Variants in ARHGAP30 observed in about 807,000 individuals in gnomAD.
ARHGAP30 encodes the protein Rho GTPase activating protein 30.
ARHGAP30 carries 23 observed loss-of-function variants against 72.0 expected under a neutral mutation model. That is an observed-to-expected ratio of 0.32 (90% CI 0.23 to 0.45). The LOEUF (loss-of-function observed/expected upper bound fraction) is 0.45, where lower values mean the gene tolerates loss of function less well. Ranked by LOEUF, ARHGAP30 falls within the 20% of genes least tolerant of loss-of-function variation. The probability of loss-of-function intolerance (pLI) is 1.00; values close to 1 mark genes in which losing one functional copy is unlikely to be tolerated. For synonymous variants in ARHGAP30, 576 were observed against 528.2 expected, an observed-to-expected ratio of 1.09 and a Z score of -1.24; for missense variants, 1,319 against 1,383.4, an observed-to-expected ratio of 0.95 and a Z score of 0.74.
At chr1:161,064,856 AAGG>A (rs199606902) in intron 1 of ARHGAP30, among the ~76,000 whole-genome samples, 2 of 93,852 alleles carry the variant, frequency 2.1e-5, no homozygotes, top group East Asian at 5.8e-4. Flanking sequence ...AAAGGAAAGG[AAGG>A]AGAGGAAGGA....
intron 3 of ARHGAP30, among the ~76,000 whole-genome samples, chr1:161,055,827 TAA>T (rs1247018260): frequency 1.0e-3 from 37 of 36,040 alleles, no homozygotes; most frequent in African/African-American, 3.0e-3. Context: ...TAAAATAAAA[TAA>T]AATAAAATAA....
intron 2 of ARHGAP30, among the ~76,000 whole-genome samples, chr1:161,057,696 G>T (rs146020605): frequency 1.3e-5 from 2 of 152,138 alleles, no homozygotes; most frequent in Admixed American, 1.3e-4. Flanking sequence ...TGAAATATCA[G>T]TTTACATTTA....
In ARHGAP30 at chr1:161,069,444, T is replaced by G; in HGVS notation, c.97+84A>C. 3 of 1,416,140 alleles carry G rather than the reference T, an allele frequency of 2.1e-6. No individual in the cohort carries two copies. Among genetic ancestry groups the G allele is most frequent in the Non-Finnish European group, 2.0e-6 (2 of 1,018,164 alleles). The allele number at this position is 1,416,140 out of a possible 1,614,324, so 87.7% of individuals were successfully genotyped here. On this transcript the variant is annotated intron_variant, in intron 1 of 11. Coordinates refer to ENST00000368013, the MANE Select transcript of ARHGAP30 (RefSeq NM_001025598.2). The surrounding 1 kb of genome is among the most constrained non-coding windows in gnomAD (Gnocchi z 4.9). ...CCCCTTCCCCAGGAGCACCGGAAACTGCTTCTGCCCTTCAGGCTGGATCGG... is the reference window on the plus strand; with the variant it reads ...CCCCTTCCCCAGGAGCACCGGAAACGGCTTCTGCCCTTCAGGCTGGATCGG...
In ARHGAP30 at chr1:161,069,072, C is replaced by T. The variant is rs1012796702; in HGVS notation, c.97+456G>A. Among the ~76,000 whole-genome samples the T allele has an allele frequency of 5.9e-5, 9 of 152,236 alleles. No individual in the cohort carries two copies. Among genetic ancestry groups the T allele is most frequent in the African/African-American group, 2.2e-4 (9 of 41,524 alleles). On this transcript the variant is annotated intron_variant, in intron 1 of 11. Coordinates refer to ENST00000368013, the MANE Select transcript of ARHGAP30 (RefSeq NM_001025598.2). The surrounding 1 kb of genome is among the most constrained non-coding windows in gnomAD (Gnocchi z 4.9). ...CCTTGGGTGTTCTCCAGCCAGGAAA[C>T]CACCCGCCTCAAGGGCCATCTTGAG...
chr1:161,053,462 TTCTCTCTCTCTCTCTC>T lies in ARHGAP30; in HGVS notation c.537-93_537-78del, dbSNP rs57196073. On this transcript the variant is annotated intron_variant, in intron 5 of 11. Transcript: ENST00000368013. ...CCAGATTCTCCCTGAAAATACCTTA[TTCTCTCTCTCTCTCTC>T]TCTCTCTCTCTCTCTCTCTCTCTCT... 2.0e-3 allele frequency: 1,420 copies of T among 692,956 alleles called. 14 individuals are homozygous for T. In the African/African-American group the frequency reaches 0.023, roughly 11 times the overall value. The allele number at this position is 692,956 out of a possible 1,614,324, so 42.9% of individuals were successfully genotyped here. A position where few individuals can be genotyped will look rare whatever the true frequency, so the allele number is the denominator to read the frequency against.
intron 1 of ARHGAP30, among the ~76,000 whole-genome samples, chr1:161,068,067 A>C (rs16832617): frequency 0.26 from 39,456 of 152,008 alleles, 7,348 homozygotes; most frequent in African/African-American, 0.52. Context: ...CGGGAGGGTT[A>C]TAGGAGCAGG....
intron 6 of ARHGAP30, 57 bp from the exon 7 acceptor site, chr1:161,052,854 G>GCACC (rs754219522): frequency 2.5e-6 from 4 of 1,576,164 alleles, no homozygotes; most frequent in East Asian, 2.2e-5. Flanking sequence ...GGGACCTCAG[G>GCACC]CACCCAATCC....
At chr1:161,051,193 A>G in intron 10 of ARHGAP30, 121 bp downstream of exon 10, 1 of 1,457,720 alleles carries the variant, frequency 6.9e-7, no homozygotes, top group Non-Finnish European at 9.0e-7. Flanking sequence ...GCTAAAGGTA[A>G]CCACCCCAAA....
At position 161,047,608 on chromosome 1, in the gene ARHGAP30, A is replaced by C. The variant is rs1384501462; in HGVS notation, c.*107T>G. The C allele has an allele frequency of 5.6e-6, 7 of 1,256,832 alleles. No homozygotes were observed. The highest frequency in any genetic ancestry group is 7.5e-6 in the Non-Finnish European group (7 of 934,176). The allele number at this position is 1,256,832 out of a possible 1,614,324, so 77.9% of individuals were successfully genotyped here. On this transcript the variant is annotated 3_prime_UTR_variant, in exon 12 of 12. Coordinates refer to ENST00000368013, the MANE Select transcript of ARHGAP30 (RefSeq NM_001025598.2). The stretch of plus-strand genomic sequence containing the variant: ...GAGAAGCTGGAGGGCCAAAGCCTAT[A>C]GAGTTGGGCACTACAGCTGCTCATG...
rs370486455 is a variant in ARHGAP30, at chr1:161,069,437, C to T, written c.97+91G>A. On this transcript the variant is annotated intron_variant, in intron 1 of 11. Transcript: ENST00000368013. This position sits in a 1 kb window ranked among gnomAD's most constrained non-coding sequence, Gnocchi z 4.9. Reference sequence around the variant, plus strand: ...GCCACTGCCCCTTCCCCAGGAGCACCGGAAACTGCTTCTGCCCTTCAGGCT... The same window carrying T: ...GCCACTGCCCCTTCCCCAGGAGCACTGGAAACTGCTTCTGCCCTTCAGGCT... The T allele has an allele frequency of 1.4e-4, 192 of 1,351,796 alleles. No individual in the cohort carries two copies. The highest frequency in any genetic ancestry group is 1.3e-3 in the African/African-American group (91 of 69,750). 83.7% of individuals were successfully genotyped at this position (1,351,796 alleles called of 1,614,324 possible).
rs1650924650 is a variant in ARHGAP30 at position 161,047,400 on chromosome 1, C to T, written c.*315G>A. On this transcript the variant is annotated 3_prime_UTR_variant, in exon 12 of 12. Transcript: ENST00000368013. ...GCTCAGAGGAAGGGAGGAATTTCTC[C>T]AGTCTTCACTTTAACAAACTCTTTT... 1 of 198,568 alleles carries T rather than the reference C, an allele frequency of 5.0e-6. No individual in the cohort carries two copies. Among genetic ancestry groups the T allele is most frequent in the Non-Finnish European group, 1.0e-5 (1 of 98,418 alleles). 12.3% of individuals were successfully genotyped at this position (198,568 alleles called of 1,614,324 possible). A position where few individuals can be genotyped will look rare whatever the true frequency, so the allele number is the denominator to read the frequency against.
chr1:161,064,337 C>T (rs1296817216), intron 1 of ARHGAP30, among the ~76,000 whole-genome samples: 3 of 152,232 alleles, frequency 2.0e-5, no homozygotes. Context: ...TGAAATGACT[C>T]AGTGAATTAA....
At chr1:161,057,680 T>A (rs1206726525) in intron 2 of ARHGAP30, among the ~76,000 whole-genome samples, 2 of 151,998 alleles carry the variant, frequency 1.3e-5, no homozygotes, top group African/African-American at 4.8e-5. Flanking sequence ...CAAATATAAA[T>A]CACTTTGAAA....
chr1:161,056,027 T>A (rs895185853), intron 3 of ARHGAP30, among the ~76,000 whole-genome samples: 1 of 152,086 alleles, frequency 6.6e-6, no homozygotes, highest in Non-Finnish European at 1.5e-5. Flanking sequence ...TTCTAAAAAG[T>A]ATTCTGATTC....
At chr1:161,066,871 T>C (rs1051411128) in intron 1 of ARHGAP30, among the ~76,000 whole-genome samples, 13 of 152,236 alleles carry the variant, frequency 8.5e-5, no homozygotes, top group African/African-American at 2.6e-4. Flanking sequence ...CCTCCTTGTC[T>C]GAGCTGCTGC....
chr1:161,051,168 G>C (rs1651327749), intron 10 of ARHGAP30, 146 bp downstream of exon 10: 2 of 1,364,390 alleles, frequency 1.5e-6, no homozygotes. Flanking sequence ...CCCTAATCCT[G>C]AATCTAGGGA....
Position 161,052,359 on chromosome 1 carries a change from A to G in ARHGAP30, c.945T>C (p.Asp315=), listed in dbSNP as rs1651468355. The change falls in exon 9 of 12, where the codon GAT becomes GAC. Residue 315 remains aspartate, a synonymous_variant. Transcript: ENST00000368013. ...GCCGCAGTGTCCCCTTGTTGGATTT[A>G]TCCTCTGTAAGACAGGGATGTGTGT... ...KLPRGAEDRE[D]KSNKGTLRPA... 1.2e-6 allele frequency: 2 copies of G among 1,614,054 alleles called. No homozygotes were observed. Among genetic ancestry groups the G allele is most frequent in the Non-Finnish European group, 1.7e-6 (2 of 1,180,030 alleles).
At chr1:161,055,870 TA>T (rs1234972748) in intron 3 of ARHGAP30, among the ~76,000 whole-genome samples, 20,112 of 48,328 alleles carry the variant, frequency 0.42, 3,546 homozygotes, top group African/African-American at 0.59. Context: ...TAAAATAAAA[TA>T]AAATAAAATA....
intron 3 of ARHGAP30, among the ~76,000 whole-genome samples, chr1:161,055,902 AAAT>A (rs1268725620): frequency 8.7e-5 from 2 of 23,004 alleles, no homozygotes; most frequent in Non-Finnish European, 2.3e-4. Flanking sequence ...AAATAAAATA[AAAT>A]AAAATAAAAT....
Sources: gnomAD v4.1 joint callset for allele counts (sites outside exome capture counted in the v4.1 genomes callset) on GRCh38, gnomAD v4.1.1 for gene constraint, Gnocchi (gnomAD v3.1) non-coding constraint, MANE v1.5 for transcripts, NCBI Gene and HGNC (gene_info 2026-07-23, HGNC 2026-07-21) for gene names.